The following L1CAM variants were observed in gnomAD, a reference collection of about 807,000 sequenced individuals.
The protein encoded by L1CAM is L1 cell adhesion molecule.
L1CAM carries 8 observed loss-of-function variants against 93.0 expected under a neutral mutation model. The ratio of observed to expected loss-of-function variants is 0.09; its 90% CI spans 0.05 to 0.16. L1CAM has a LOEUF of 0.16. Ranked by LOEUF, L1CAM falls within the 10% of genes least tolerant of loss-of-function variation. L1CAM has a pLI of 1.00. For synonymous variants in L1CAM, 453 were observed against 453.0 expected (o/e 1.00, Z 0.00); for missense variants, 777 against 1,073.4 (o/e 0.72, Z 3.86).
In L1CAM at chrX:153,864,458, G is replaced by A. The variant is rs201466203; in HGVS notation, c.3186C>T (p.Ser1062=). The part of the protein sequence containing the change: ...KALGEEKGGA[S]LSPQYVSYNQ... Reference sequence around the variant, plus strand: ...TGTAGCTGACATACTGTGGCGAAAGGGAAGCCCCACCCTTCTCTTCTGCCA... The same window carrying A: ...TGTAGCTGACATACTGTGGCGAAAGAGAAGCCCCACCCTTCTCTTCTGCCA... The change falls in exon 25 of 29, where the codon TCC becomes TCT. Residue 1062 remains serine (S), a synonymous_variant. Transcript: ENST00000370060. 11 of 1,210,774 alleles carry A rather than the reference G, an allele frequency of 9.1e-6. No individual in the cohort carries two copies. Among genetic ancestry groups the A allele is most frequent in the Non-Finnish European group, 1.2e-5 (11 of 894,510 alleles).
At position 153,871,194 on chromosome X, in the gene L1CAM, C is replaced by T. The variant is rs1367687808; in HGVS notation, c.401-15G>A. 11 of 1,022,416 alleles carry T rather than the reference C, an allele frequency of 1.1e-5. No homozygotes were observed. The highest frequency in any genetic ancestry group is 1.0e-4 in the African/African-American group (5 of 49,581). The allele number at this position is 1,022,416 out of a possible 1,213,427, so 84.3% of individuals were successfully genotyped here. Reference sequence around the variant, plus strand: ...CTTGGGGGCACCTAGAAGGGACAGACGGGCTGACACTCTCCTCCTGGTCCA... The same window carrying T: ...CTTGGGGGCACCTAGAAGGGACAGATGGGCTGACACTCTCCTCCTGGTCCA... On this transcript the variant is annotated splice_polypyrimidine_tract_variant and intron_variant, in intron 5 of 28. Coordinates refer to ENST00000370060, the MANE Select transcript of L1CAM (RefSeq NM_001278116.2).
intron 5 of L1CAM, among the ~76,000 whole-genome samples, chrX:153,871,539 C>G (rs1441855929): frequency 6.4e-5 from 7 of 108,916 alleles, no homozygotes; most frequent in Admixed American, 9.8e-5. Flanking sequence ...GAGTCACAGA[C>G]CCTTCCATCA....
In L1CAM at chrX:153,872,225, C is replaced by G. The variant is rs782151953; in HGVS notation, c.327G>C (p.Gln109His). 1 of 1,209,441 alleles carries G rather than the reference C, an allele frequency of 8.3e-7. No homozygotes were observed. The highest frequency in any genetic ancestry group is 3.0e-5 in the East Asian group (1 of 33,758). Residue 109 changes from glutamine (Q) to histidine (H), a missense_variant, in exon 5 of 29, where the codon CAG (glutamine) becomes CAC (histidine). By Grantham distance (24) the Gln-to-His change is conservative. Transcript: ENST00000370060. ...GNNSNFAQRF[Q>H]GIYRCFASNK... Reference sequence around the variant, plus strand: ...TGCTGGCAAAGCAGCGGTAGATGCCCTGGAACCTCTGAGCAAAGTTGCTGT... The same window carrying G: ...TGCTGGCAAAGCAGCGGTAGATGCCGTGGAACCTCTGAGCAAAGTTGCTGT...
At position 153,867,060 on chromosome X, in the gene L1CAM, C is replaced by T. The variant is rs201721421; in HGVS notation, c.2202G>A (p.Thr734=). ...EGNETTNMVI[T]WKPLRWMDWN... is the part of the protein sequence containing the mutation. ...TCAGCCCAGGGACTCTCACCTTCCA[C>T]GTGATGACCATATTGGTGGTCTCAT... The change falls in exon 18 of 29, where the codon ACG becomes ACA. Residue 734 remains threonine (T), a synonymous_variant. Transcript: ENST00000370060. 1.2e-5 allele frequency: 15 copies of T among 1,207,211 alleles called. No homozygotes were observed. The South Asian group carries it at 1.6e-4, about 13-fold the overall frequency.
chrX:153,878,207 C>T (rs1429624715), intron 1 of L1CAM, among the ~76,000 whole-genome samples: 1 of 112,753 alleles, frequency 8.9e-6, no homozygotes, highest in Middle Eastern at 4.6e-3. Flanking sequence ...AAGCGGGCAC[C>T]GAGCCTCAGC....
intron 1 of L1CAM, among the ~76,000 whole-genome samples, chrX:153,879,451 G>A (rs1032348090): frequency 1.2e-3 from 132 of 108,368 alleles, no homozygotes; most frequent in Non-Finnish European, 2.3e-3. Flanking sequence ...GCGCGTGCGC[G>A]CAGGCCGCCT....
At chrX:153,872,388 C>T (rs1557093491) in intron 4 of L1CAM, 34 bp from the exon 5 acceptor site, 5 of 1,171,511 alleles carry the variant, frequency 4.3e-6, no homozygotes, top group Non-Finnish European at 5.8e-6. Context: ...GGCCTGAGGC[C>T]CTGGAACCCA....
chrX:153,867,991 G>A lies in L1CAM; in HGVS notation c.1828+7C>T. 1 of 1,210,966 alleles carries A rather than the reference G, an allele frequency of 8.3e-7. No homozygotes were observed. The highest frequency in any genetic ancestry group is 1.1e-6 in the Non-Finnish European group (1 of 895,318). ...TCTGGAGTGGAGGCTTCCACCCTAGGACTTACCCACCACCAAGAGCTGTGC... is the reference window on the plus strand; with the variant it reads ...TCTGGAGTGGAGGCTTCCACCCTAGAACTTACCCACCACCAAGAGCTGTGC... On this transcript the variant is annotated splice_region_variant and intron_variant, in intron 15 of 28. Transcript: ENST00000370060.
Position 153,870,041 on chromosome X carries a change from C to T in L1CAM, c.991+15G>A. ...ACAGTGGGCATCACAGGCCACTGTC[C>T]CAGGAGGTCCATACCCTCCACGGTG... On this transcript the variant is annotated intron_variant, in intron 9 of 28. Coordinates refer to ENST00000370060, the MANE Select transcript of L1CAM (RefSeq NM_001278116.2). 2 of 1,211,168 alleles carry T rather than the reference C, an allele frequency of 1.7e-6. No homozygotes were observed. Among genetic ancestry groups the T allele is most frequent in the Non-Finnish European group, 2.2e-6 (2 of 895,008 alleles).
chrX:153,881,793 G>A (rs186019532), intron 1 of L1CAM, among the ~76,000 whole-genome samples: 19 of 111,232 alleles, frequency 1.7e-4, no homozygotes, highest in African/African-American at 6.2e-4. Flanking sequence ...TTGTGTCGAA[G>A]GAGATACTGA....
At position 153,878,833 on chromosome X, in the gene L1CAM, CA is replaced by C. The variant is rs1382270939; in HGVS notation, c.-108-2890del. On this transcript the variant is annotated intron_variant, in intron 1 of 28. Transcript: ENST00000370060. The stretch of plus-strand genomic sequence containing the variant: ...ACGCTCAGGGGAAATACAATATCCC[CA>C]AACCCCTGGTCCCCGCTCCCTGCCC... Among the ~76,000 whole-genome samples, 7 of 111,446 alleles carry C rather than the reference CA, an allele frequency of 6.3e-5. No individual in the cohort carries two copies. In the East Asian group the frequency reaches 2.0e-3, roughly 31 times the overall value.
rs2148493535 is a variant in L1CAM at position 153,864,801 on chromosome X, A to T, written c.3046+20T>A. ...GGCTGGCCGGGGCCTCCCTGTTGGC[A>T]GGTCATTCCTCCAGCTTACCAGACA... On this transcript the variant is annotated intron_variant, in intron 23 of 28. Transcript: ENST00000370060. 1 of 1,211,816 alleles carries T rather than the reference A, an allele frequency of 8.3e-7. No homozygotes were observed. The highest frequency in any genetic ancestry group is 2.2e-5 in the Admixed American group (1 of 46,133).
chrX:153,869,378 G>A (rs2064745752), intron 11 of L1CAM, 142 bp downstream of exon 11: 2 of 650,082 alleles, frequency 3.1e-6, no homozygotes. Flanking sequence ...ATGGGGCGAA[G>A]GGTGTCAGCA....
chrX:153,877,929 G>C (rs782262918), intron 1 of L1CAM, among the ~76,000 whole-genome samples: 1 of 112,181 alleles, frequency 8.9e-6, no homozygotes, highest in Non-Finnish European at 1.9e-5. Context: ...CCAAACCCAA[G>C]CCACACCGGC....
In L1CAM at chrX:153,867,075, G is replaced by A; in HGVS notation, c.2187C>T (p.Thr729=). ...TCACCTTCCACGTGATGACCATATT[G>A]GTGGTCTCATTTCCTTCCCCCTTCA... ...VDVKGEGNET[T]NMVITWKPLR... is the part of the protein sequence containing the mutation. The change falls in exon 18 of 29, where the codon ACC becomes ACT. Residue 729 remains threonine (T), a synonymous_variant. Coordinates refer to ENST00000370060, the MANE Select transcript of L1CAM (RefSeq NM_001278116.2). The A allele has an allele frequency of 4.1e-6, 5 of 1,210,218 alleles. No homozygotes were observed. The highest frequency in any genetic ancestry group is 5.6e-6 in the Non-Finnish European group (5 of 894,408).
At chrX:153,864,557 A>G in intron 24 of L1CAM, 28 bp downstream of exon 24, 2 of 1,153,274 alleles carry the variant, frequency 1.7e-6, no homozygotes, top group Non-Finnish European at 2.4e-6. Flanking sequence ...CTTCCCCACC[A>G]CGCCCCAAGG....
intron 1 of L1CAM, among the ~76,000 whole-genome samples, chrX:153,879,080 A>G (rs2064830226): frequency 9.0e-6 from 1 of 111,081 alleles, no homozygotes; most frequent in African/African-American, 3.3e-5. Context: ...ATTACAGAGC[A>G]AGCAGCTAGG....
At chrX:153,871,291 C>T (rs782324110) in intron 5 of L1CAM, 112 bp from the exon 6 acceptor site, 199 of 699,490 alleles carry the variant, frequency 2.8e-4, no homozygotes, top group Admixed American at 2.6e-3. Context: ...GACGAGGGGG[C>T]GAGAGGGTCA....
rs1174504214 is a variant in L1CAM, at chrX:153,877,367, C to T, written c.-108-1423G>A. On this transcript the variant is annotated intron_variant, in intron 1 of 28. Coordinates refer to ENST00000370060, the MANE Select transcript of L1CAM (RefSeq NM_001278116.2). Reference sequence around the variant, plus strand: ...ATCCCAGCTACTCAGGAGGCTGAGGCAGGAGAATCACTTGAACCCAGGAGG... The same window carrying T: ...ATCCCAGCTACTCAGGAGGCTGAGGTAGGAGAATCACTTGAACCCAGGAGG... 3.9e-5 allele frequency among the ~76,000 whole-genome samples: 4 copies of T among 103,112 alleles called. No individual in the cohort carries two copies. In the East Asian group the frequency reaches 1.2e-3, roughly 31 times the overall value. 89.5% of individuals were successfully genotyped at this position (103,112 alleles called of 115,157 possible). A position where few individuals can be genotyped will look rare whatever the true frequency, so the allele number is the denominator to read the frequency against.
Sources: gnomAD v4.1 joint callset for allele counts (sites outside exome capture counted in the v4.1 genomes callset) on GRCh38, gnomAD v4.1.1 for gene constraint, MANE v1.5 for transcripts, NCBI Gene and HGNC (gene_info 2026-07-23, HGNC 2026-07-21) for gene names.